Variants in UBE3D observed in about 807,000 individuals in gnomAD.
UBE3D encodes the protein ubiquitin protein ligase E3D.
A neutral mutation model predicts 49.6 loss-of-function variants in UBE3D; 48 were observed. The ratio of observed to expected loss-of-function variants is 0.97; its 90% CI spans 0.77 to 1.23. The LOEUF (loss-of-function observed/expected upper bound fraction) is 1.23, where lower values mean the gene tolerates loss of function less well. Ranked by LOEUF, UBE3D falls within the 50% of genes most tolerant of loss-of-function variation. The pLI is 0.00. For synonymous variants in UBE3D, 189 were observed against 174.2 expected (o/e 1.08, Z -0.67); for missense variants, 452 against 468.4 (o/e 0.96, Z 0.32).
At chr6:83,046,933 G>C (rs1403126124) in intron 3 of UBE3D, among the ~76,000 whole-genome samples, 1 of 152,092 alleles carries the variant, frequency 6.6e-6, no homozygotes, top group Non-Finnish European at 1.5e-5. Flanking sequence ...TAGTTCTCCA[G>C]GCAGTGAAAG....
intron 8 of UBE3D, among the ~76,000 whole-genome samples, chr6:83,007,946 A>G (rs1027236056): frequency 4.7e-5 from 4 of 84,632 alleles, no homozygotes; most frequent in African/African-American, 1.3e-4. Context: ...CCCTGTCTCA[A>G]AAAAAGTAAA....
intron 9 of UBE3D, among the ~76,000 whole-genome samples, chr6:82,929,851 G>A (rs1442813301): frequency 6.6e-6 from 1 of 151,990 alleles, no homozygotes; most frequent in Non-Finnish European, 1.5e-5. Flanking sequence ...ATCCACCACA[G>A]AACAGTACAT....
downstream of UBE3D, among the ~76,000 whole-genome samples, chr6:82,887,748 T>C (rs1385274490): frequency 4.0e-5 from 6 of 151,888 alleles, no homozygotes; most frequent in South Asian, 1.0e-3. Flanking sequence ...TATTGGATGG[T>C]ATACTTTCTG....
intron 5 of UBE3D, chr6:83,036,704 G>A (rs1208570588): frequency 3.3e-5 from 5 of 151,610 alleles, no homozygotes; most frequent in African/African-American, 1.2e-4. Context: ...ACTGTAGGAT[G>A]AGTGAATATA....
chr6:82,950,678 G>A (rs1280045060), intron 9 of UBE3D, among the ~76,000 whole-genome samples: 4 of 152,072 alleles, frequency 2.6e-5, no homozygotes, highest in Non-Finnish European at 4.4e-5. Flanking sequence ...AACTATTTAC[G>A]AGAGCCAAGA....
At chr6:82,946,398 A>G (rs1159174642) in intron 9 of UBE3D, among the ~76,000 whole-genome samples, 1 of 152,174 alleles carries the variant, frequency 6.6e-6, no homozygotes, top group East Asian at 1.9e-4. Context: ...ACCCTAGAGT[A>G]GTATATCTGG....
intron 9 of UBE3D, among the ~76,000 whole-genome samples, chr6:82,901,205 A>G (rs368344630): frequency 3.9e-5 from 6 of 152,134 alleles, no homozygotes; most frequent in African/African-American, 1.4e-4. Context: ...TTTTCAAATA[A>G]TATTATTCTA....
At chr6:82,995,305 G>A (rs1265037065) in intron 8 of UBE3D, among the ~76,000 whole-genome samples, 1 of 152,102 alleles carries the variant, frequency 6.6e-6, no homozygotes, top group East Asian at 1.9e-4. Context: ...TGCGGTAAAA[G>A]CATATGTGGA....
intron 9 of UBE3D, among the ~76,000 whole-genome samples, chr6:82,950,084 G>A (rs1775677863): frequency 6.6e-6 from 1 of 152,154 alleles, no homozygotes; most frequent in Admixed American, 6.6e-5. Context: ...ACAACTCACA[G>A]AATGGAACGA....
chr6:82,969,883 G>C (rs552824754), intron 8 of UBE3D, among the ~76,000 whole-genome samples: 4 of 151,758 alleles, frequency 2.6e-5, no homozygotes, highest in Non-Finnish European at 4.4e-5. Context: ...AAAGAATTCA[G>C]TAGGCATATT....
chr6:83,014,514 T>G (rs897267516), intron 8 of UBE3D, among the ~76,000 whole-genome samples: 16 of 152,304 alleles, frequency 1.1e-4, no homozygotes, highest in African/African-American at 3.8e-4. Context: ...ATGGACCCAC[T>G]GTAAGTCAGA....
intron 8 of UBE3D, among the ~76,000 whole-genome samples, chr6:82,975,121 A>C (rs1203134873): frequency 6.6e-6 from 1 of 152,160 alleles, no homozygotes; most frequent in Non-Finnish European, 1.5e-5. Flanking sequence ...GAAAGCAGCA[A>C]AATTATACTT....
intron 8 of UBE3D, among the ~76,000 whole-genome samples, chr6:82,986,096 G>T (rs772293353): frequency 6.6e-6 from 1 of 152,060 alleles, no homozygotes; most frequent in African/African-American, 2.4e-5. Context: ...TTGAGTTTGT[G>T]TATTAACTTA....
At chr6:82,950,434 C>T (rs1428989094) in intron 9 of UBE3D, among the ~76,000 whole-genome samples, 1 of 152,040 alleles carries the variant, frequency 6.6e-6, no homozygotes, top group Non-Finnish European at 1.5e-5. Context: ...TTAGTACAAC[C>T]AGTATGAAGA....
chr6:83,048,076 G>T (rs1783196204), intron 3 of UBE3D, among the ~76,000 whole-genome samples: 1 of 55,220 alleles, frequency 1.8e-5, no homozygotes, highest in Admixed American at 3.4e-4. Flanking sequence ...GGAGACTCCA[G>T]CTCAAAAAAA....
chr6:82,909,126 C>T (rs1436550208), intron 9 of UBE3D, among the ~76,000 whole-genome samples: 4 of 152,188 alleles, frequency 2.6e-5, no homozygotes, highest in East Asian at 1.9e-4. Flanking sequence ...AAACTGGCAA[C>T]GGACTTCTGT....
intron 3 of UBE3D, chr6:83,049,629 C>T: frequency 3.1e-6 from 1 of 318,334 alleles, no homozygotes; most frequent in Admixed American, 4.2e-5. Flanking sequence ...CTCATGTTTC[C>T]CAAGATCCCA....
chr6:83,060,670 A>G (rs1205123728), intron 1 of UBE3D, among the ~76,000 whole-genome samples: 4 of 152,188 alleles, frequency 2.6e-5, no homozygotes, highest in Non-Finnish European at 5.9e-5. Flanking sequence ...CAGTAAAATG[A>G]CTACATCCAG....
At chr6:82,947,160 C>T (rs1775466701) in intron 9 of UBE3D, among the ~76,000 whole-genome samples, 1 of 151,902 alleles carries the variant, frequency 6.6e-6, no homozygotes, top group Non-Finnish European at 1.5e-5. Flanking sequence ...AGGCTTATAT[C>T]ATCCAAAATA....
Sources: gnomAD v4.1 joint callset for allele counts (sites outside exome capture counted in the v4.1 genomes callset) on GRCh38, gnomAD v4.1.1 for gene constraint, MANE v1.5 for transcripts, NCBI Gene and HGNC (gene_info 2026-07-23, HGNC 2026-07-21) for gene names.